PARD3B: variants seen among roughly 807,000 people sequenced by gnomAD.
PARD3B encodes the protein par-3 family cell polarity regulator beta.
Under a neutral mutation model 130.2 loss-of-function variants are expected in PARD3B, and 103 were observed. That is an observed-to-expected ratio of 0.79 (90% confidence interval 0.67 to 0.93). The LOEUF is 0.93. Ranked by LOEUF, PARD3B falls within the 40% of genes least tolerant of loss-of-function variation. The probability of loss-of-function intolerance (pLI) is 0.00; values close to 1 mark genes in which losing one functional copy is unlikely to be tolerated. For synonymous variants in PARD3B, 583 were observed against 553.2 expected (o/e 1.05, Z -0.76); for missense variants, 1,609 against 1,499.2 (o/e 1.07, Z -1.21).
intron 1 of PARD3B, among the ~76,000 whole-genome samples, chr2:204,594,680 G>GT (rs1364797221): frequency 6.6e-6 from 1 of 152,162 alleles, no homozygotes; most frequent in Non-Finnish European, 1.5e-5. Flanking sequence ...CTATGCTTCT[G>GT]AAGTGAAAGT....
chr2:205,453,938 A>T (rs912016667), intron 20 of PARD3B, among the ~76,000 whole-genome samples: 1 of 152,198 alleles, frequency 6.6e-6, no homozygotes, highest in Admixed American at 6.5e-5. Flanking sequence ...AAGCATGTGC[A>T]AATAGCATGC....
At chr2:205,379,969 G>A (rs74182372) in intron 18 of PARD3B, among the ~76,000 whole-genome samples, 3,254 of 148,908 alleles carry the variant, frequency 0.022, 90 homozygotes, top group African/African-American at 0.063. Flanking sequence ...TCAGGAGGCA[G>A]AGGCAAGAGA....
rs948730937 is a variant in PARD3B, at chr2:205,176,938, A to G, written c.1924+361A>G. Among the ~76,000 whole-genome samples the G allele has an allele frequency of 6.6e-6, 1 of 152,262 alleles. No homozygotes were observed. Among genetic ancestry groups the G allele is most frequent in the Admixed American group, 6.5e-5 (1 of 15,292 alleles). On this transcript the variant is annotated intron_variant, in intron 13 of 22. Coordinates refer to ENST00000406610, the MANE Select transcript of PARD3B (RefSeq NM_001302769.2). This position sits in a 1 kb window ranked among gnomAD's most constrained non-coding sequence, Gnocchi z 5.3. Reference sequence around the variant, plus strand: ...AATAACTACCAAAATTTAAAAATGTATGGATTTATAATCCATAAAATGGTC... The same window carrying G: ...AATAACTACCAAAATTTAAAAATGTGTGGATTTATAATCCATAAAATGGTC...
intron 4 of PARD3B, among the ~76,000 whole-genome samples, chr2:205,098,479 CTT>C (rs1247379855): frequency 6.6e-6 from 1 of 152,118 alleles, no homozygotes; most frequent in African/African-American, 2.4e-5. Context: ...AATAAAACTA[CTT>C]TTAATTTCAT....
chr2:204,848,492 A>T (rs1411243194), intron 2 of PARD3B, among the ~76,000 whole-genome samples: 1 of 152,152 alleles, frequency 6.6e-6, no homozygotes, highest in African/African-American at 2.4e-5. Context: ...ATAAAAAAAA[A>T]TAGTTAGCTG....
chr2:204,791,703 AC>A (rs987480717), intron 2 of PARD3B, among the ~76,000 whole-genome samples: 1 of 152,156 alleles, frequency 6.6e-6, no homozygotes, highest in Admixed American at 6.5e-5. Context: ...GAATTGCCTC[AC>A]CCTTTTAAAA....
chr2:204,708,386 C>T (rs1251997756), intron 2 of PARD3B, among the ~76,000 whole-genome samples: 1 of 152,096 alleles, frequency 6.6e-6, no homozygotes, highest in Non-Finnish European at 1.5e-5. Context: ...TATAGAAGAA[C>T]TAATATATGT....
intron 2 of PARD3B, among the ~76,000 whole-genome samples, chr2:204,948,029 A>G (rs974713212): frequency 1.3e-5 from 2 of 152,220 alleles, no homozygotes; most frequent in African/African-American, 2.4e-5. Context: ...ATGTTTGCAC[A>G]TACTTTGCTT....
chr2:205,145,137 T>C (rs1243412900), intron 10 of PARD3B, among the ~76,000 whole-genome samples: 1 of 152,148 alleles, frequency 6.6e-6, no homozygotes, highest in Non-Finnish European at 1.5e-5. Flanking sequence ...TTAAGAGAGT[T>C]ATTGTACCCT....
chr2:204,937,725 G>T (rs755377903), intron 2 of PARD3B, among the ~76,000 whole-genome samples: 2 of 152,132 alleles, frequency 1.3e-5, no homozygotes, highest in African/African-American at 4.8e-5. Context: ...CTCTCTTGAT[G>T]TTAGCAGCTG....
chr2:204,693,006 A>G (rs1469327150), intron 2 of PARD3B, among the ~76,000 whole-genome samples: 2 of 152,052 alleles, frequency 1.3e-5, no homozygotes, highest in African/African-American at 2.4e-5. Context: ...TCTCATGCAG[A>G]TCAAAACTAC....
At chr2:205,611,794 A>G (rs2055240064) in intron 22 of PARD3B, among the ~76,000 whole-genome samples, 1 of 152,242 alleles carries the variant, frequency 6.6e-6, no homozygotes, top group African/African-American at 2.4e-5. Flanking sequence ...AAATTTTTAA[A>G]TTGAAAGTTT....
chr2:205,043,936 C>G (rs1050836407), intron 3 of PARD3B, among the ~76,000 whole-genome samples: 2 of 150,510 alleles, frequency 1.3e-5, no homozygotes, highest in African/African-American at 4.9e-5. Flanking sequence ...AGGTATATCT[C>G]CCAATGCTAT....
At chr2:204,940,996 T>A (rs948459452) in intron 2 of PARD3B, among the ~76,000 whole-genome samples, 3 of 152,100 alleles carry the variant, frequency 2.0e-5, no homozygotes, top group Non-Finnish European at 4.4e-5. Flanking sequence ...GTTGATGGAG[T>A]AGCAGATATT....
chr2:205,173,791 C>CTAGG (rs2035309469), intron 12 of PARD3B, among the ~76,000 whole-genome samples: 1 of 152,176 alleles, frequency 6.6e-6, no homozygotes, highest in Non-Finnish European at 1.5e-5. Context: ...TTATAACACC[C>CTAGG]TTATCTGCCA....
chr2:204,980,566 T>G (rs1692574255), intron 3 of PARD3B, among the ~76,000 whole-genome samples: 1 of 152,166 alleles, frequency 6.6e-6, no homozygotes, highest in South Asian at 2.1e-4. Flanking sequence ...GTGATCAAGA[T>G]TATTATCTCC....
chr2:204,912,087 G>C (rs931686188), intron 2 of PARD3B, among the ~76,000 whole-genome samples: 2 of 152,120 alleles, frequency 1.3e-5, no homozygotes, highest in African/African-American at 4.8e-5. Flanking sequence ...ATCATAAAAG[G>C]CCATTTTAGA....
chr2:204,661,217 C>G (rs1458274662), intron 1 of PARD3B, among the ~76,000 whole-genome samples: 2 of 152,010 alleles, frequency 1.3e-5, no homozygotes, highest in East Asian at 3.9e-4. Context: ...CATCTCAAAC[C>G]CAAAAGAATG....
At chr2:204,695,284 T>C (rs1220107948) in intron 2 of PARD3B, among the ~76,000 whole-genome samples, 2 of 152,012 alleles carry the variant, frequency 1.3e-5, no homozygotes. Flanking sequence ...TCTGTTTTTT[T>C]ACTTATGTAA....
Sources: gnomAD v4.1 joint callset for allele counts (sites outside exome capture counted in the v4.1 genomes callset) on GRCh38, gnomAD v4.1.1 for gene constraint, Gnocchi (gnomAD v3.1) non-coding constraint, MANE v1.5 for transcripts, NCBI Gene and HGNC (gene_info 2026-07-23, HGNC 2026-07-21) for gene names.